Variants in PPARGC1A observed in about 807,000 individuals in gnomAD.
PPARGC1A encodes the protein PPARG coactivator 1 alpha.
Under a neutral mutation model 88.7 loss-of-function variants are expected in PPARGC1A, and 25 were observed. The observed-to-expected ratio is 0.28, with a 90% CI of 0.21 to 0.39. PPARGC1A has a LOEUF of 0.39. PPARGC1A is among the 10% of genes least tolerant of loss of function. The probability of loss-of-function intolerance (pLI) is 1.00; values close to 1 mark genes in which losing one functional copy is unlikely to be tolerated. For synonymous variants in PPARGC1A, 363 were observed against 355.6 expected, an observed-to-expected ratio of 1.02 and a Z score of -0.24; for missense variants, 880 against 968.7, an observed-to-expected ratio of 0.91 and a Z score of 1.22.
chr4:24,077,884 C>A, the PPARGC1A span, among the ~76,000 whole-genome samples: 5 of 151,572 alleles, frequency 3.3e-5, no homozygotes, highest in Non-Finnish European at 7.4e-5. Flanking sequence ...TTTTTCATTC[C>A]CATTCTTCTC....
chr4:24,007,913 G>A, the PPARGC1A span, among the ~76,000 whole-genome samples: 7 of 152,238 alleles, frequency 4.6e-5, no homozygotes, highest in African/African-American at 9.6e-5. Flanking sequence ...TCTCTCCACC[G>A]GCTCAGTGTG....
At chr4:24,364,772 C>T in the PPARGC1A span, among the ~76,000 whole-genome samples, 1 of 151,948 alleles carries the variant, frequency 6.6e-6, no homozygotes, top group Admixed American at 6.6e-5. Flanking sequence ...TATATGTATG[C>T]ATTAGAGAGT....
At chr4:23,976,297 G>T in the PPARGC1A span, among the ~76,000 whole-genome samples, 4 of 152,200 alleles carry the variant, frequency 2.6e-5, no homozygotes, top group Non-Finnish European at 2.9e-5. Flanking sequence ...GGACCCTGAA[G>T]AGGAGTAGAG....
the PPARGC1A span, among the ~76,000 whole-genome samples, chr4:24,180,381 T>C: frequency 6.6e-6 from 1 of 152,216 alleles, no homozygotes; most frequent in Non-Finnish European, 1.5e-5. Context: ...GTTACATTTT[T>C]TCTACATAAC....
chr4:23,921,925 C>A, the PPARGC1A span, among the ~76,000 whole-genome samples: 6 of 152,172 alleles, frequency 3.9e-5, no homozygotes, highest in African/African-American at 1.2e-4. Flanking sequence ...CATGGTCAAG[C>A]CTTGCTTATT....
At chr4:24,177,527 G>T in the PPARGC1A span, among the ~76,000 whole-genome samples, 2 of 151,684 alleles carry the variant, frequency 1.3e-5, no homozygotes, top group Admixed American at 6.6e-5. Flanking sequence ...AATGACGAGT[G>T]ACTGGGTGCA....
At chr4:24,184,233 A>G in the PPARGC1A span, among the ~76,000 whole-genome samples, 7 of 152,336 alleles carry the variant, frequency 4.6e-5, no homozygotes, top group Admixed American at 4.6e-4. Flanking sequence ...TGGTACTTTT[A>G]TTATCCCCAA....
At chr4:24,289,017 C>T in the PPARGC1A span, among the ~76,000 whole-genome samples, 1 of 152,068 alleles carries the variant, frequency 6.6e-6, no homozygotes, top group South Asian at 2.1e-4. Context: ...GTCAGGAGTT[C>T]CAGGCCAGCC....
chr4:24,049,534 T>C, the PPARGC1A span, among the ~76,000 whole-genome samples: 1 of 151,962 alleles, frequency 6.6e-6, no homozygotes, highest in African/African-American at 2.4e-5. Flanking sequence ...ATGGAAATTG[T>C]CCATCTGAAA....
the PPARGC1A span, among the ~76,000 whole-genome samples, chr4:24,233,613 CACACACACAT>C: frequency 1.0e-5 from 1 of 96,728 alleles, no homozygotes; most frequent in Non-Finnish European, 2.4e-5. Flanking sequence ...CACACACACA[CACACACACAT>C]ATACACACCC....
chr4:23,929,735 C>G, the PPARGC1A span, among the ~76,000 whole-genome samples: 6 of 152,218 alleles, frequency 3.9e-5, no homozygotes, highest in African/African-American at 1.4e-4. Flanking sequence ...GGTGTTAACA[C>G]TTCAAGTCTG....
At chr4:24,326,177 C>G in the PPARGC1A span, among the ~76,000 whole-genome samples, 1 of 152,126 alleles carries the variant, frequency 6.6e-6, no homozygotes, top group Non-Finnish European at 1.5e-5. Flanking sequence ...ACCTAATCAC[C>G]CTTACCCCGC....
chr4:23,910,655 G>T, the PPARGC1A span, among the ~76,000 whole-genome samples: 1 of 150,480 alleles, frequency 6.6e-6, no homozygotes, highest in Non-Finnish European at 1.5e-5. Flanking sequence ...GGCCATGCTG[G>T]TCTTGAACTG....
At chr4:24,352,621 G>A in the PPARGC1A span, among the ~76,000 whole-genome samples, 3 of 152,308 alleles carry the variant, frequency 2.0e-5, no homozygotes, top group Admixed American at 2.0e-4. Flanking sequence ...AAAGGAAGCT[G>A]GGGCTGCTGT....
chr4:24,188,380 G>C, the PPARGC1A span, among the ~76,000 whole-genome samples: 1 of 152,132 alleles, frequency 6.6e-6, no homozygotes, highest in South Asian at 2.1e-4. Context: ...CGAAAGGTGA[G>C]TCTGGAGATC....
At chr4:24,059,800 A>G in the PPARGC1A span, among the ~76,000 whole-genome samples, 42 of 152,288 alleles carry the variant, frequency 2.8e-4, no homozygotes, top group African/African-American at 7.2e-4. Flanking sequence ...TTCCACCTCT[A>G]TAACAAGGAT....
the PPARGC1A span, among the ~76,000 whole-genome samples, chr4:24,466,563 T>G: frequency 0.51 from 77,524 of 151,984 alleles, 20,073 homozygotes; most frequent in South Asian, 0.59. Context: ...GTTATGGAGA[T>G]TAAATGAGTC....
At chr4:24,009,150 A>AAAAAAAAAAGAGAG in the PPARGC1A span, among the ~76,000 whole-genome samples, 19,239 of 79,864 alleles carry the variant, frequency 0.24, 3,055 homozygotes, top group Non-Finnish European at 0.3. Flanking sequence ...AAAAAAAAAA[A>AAAAAAAAAAGAGAG]AGAGAGAGAA....
the PPARGC1A span, among the ~76,000 whole-genome samples, chr4:24,157,094 G>T: frequency 1.3e-5 from 2 of 152,068 alleles, no homozygotes; most frequent in South Asian, 2.1e-4. Context: ...AAAATCTCTG[G>T]GTTCAAATCC....
Sources: allele counts gnomAD v4.1 joint callset (sites outside exome capture counted in the v4.1 genomes callset), GRCh38; gene constraint gnomAD v4.1.1; transcripts MANE v1.5; gene names NCBI Gene and HGNC (gene_info 2026-07-23, HGNC 2026-07-21).